Variants in GEMIN2 observed in about 807,000 individuals in gnomAD.
GEMIN2 encodes the protein gem nuclear organelle associated protein 2, also known as gem-associated protein 2.
In GEMIN2, 37 loss-of-function variants were observed where a neutral mutation model predicts 45.8. The ratio of observed to expected loss-of-function variants is 0.81; its 90% CI spans 0.62 to 1.06. The LOEUF (loss-of-function observed/expected upper bound fraction) is 1.06. Among genes scored for constraint, GEMIN2 ranks in the 50% least tolerant of loss-of-function variants. The probability of loss-of-function intolerance (pLI) is 0.00; values close to 1 mark genes in which losing one functional copy is unlikely to be tolerated. For missense variants in GEMIN2, 335 were observed against 321.8 expected (o/e 1.04, Z -0.31); for synonymous variants, 101 against 111.5 (o/e 0.91, Z 0.60).
intron 1 of GEMIN2, 32 bp downstream of exon 1, chr14:39,114,507 G>A (rs772415983): frequency 1.2e-5 from 19 of 1,550,712 alleles, no homozygotes; most frequent in Admixed American, 3.4e-5. Flanking sequence ...GGGTGGGCTG[G>A]TCTTCTGCCC....
Position 39,131,962 on chromosome 14 carries a change from G to C in GEMIN2, c.605G>C (p.Arg202Thr), listed in dbSNP as rs2052722238. 2 of 1,524,600 alleles carry C rather than the reference G, an allele frequency of 1.3e-6. No homozygotes were observed. Among genetic ancestry groups the C allele is most frequent in the Non-Finnish European group, 9.0e-7 (1 of 1,105,724 alleles). The allele number at this position is 1,524,600 out of a possible 1,614,324, so 94.4% of individuals were successfully genotyped here. A position where few individuals can be genotyped will look rare whatever the true frequency, so the allele number is the denominator to read the frequency against. ...GERDFTPELG[R>T]WLYALLACLE... Reference sequence around the variant, plus strand: ...ATTTTTTGAATTTTTTTTTAGGGAAGATGGCTTTATGCTTTATTGGCTTGT... The same window carrying C: ...ATTTTTTGAATTTTTTTTTAGGGAACATGGCTTTATGCTTTATTGGCTTGT... The change falls in exon 8 of 10, where the codon AGA (arginine) becomes ACA (threonine). Residue 202 changes from arginine to threonine, a missense_variant. Arg to Thr is a moderately conservative substitution (Grantham distance 71). Coordinates refer to ENST00000308317, the MANE Select transcript of GEMIN2 (RefSeq NM_003616.3).
chr14:39,125,033 T>C lies in GEMIN2; in HGVS notation c.528T>C (p.Asn176=), dbSNP rs568067159. 3.5e-5 allele frequency: 50 copies of C among 1,415,404 alleles called. 1 individual carries two copies. The Middle Eastern group carries it at 8.8e-4, about 25-fold the overall frequency. 87.7% of individuals were successfully genotyped at this position (1,415,404 alleles called of 1,614,324 possible). Residue 176 remains asparagine, a synonymous_variant, in exon 6 of 10, where the codon AAT becomes AAC. Coordinates refer to ENST00000308317, the MANE Select transcript of GEMIN2 (RefSeq NM_003616.3). ...TGCTTAGTATTGTTAGCAGAATGAA[T>C]CAGGTAAAATTAATAATAGAGATAT... ...PPLLSIVSRM[N]QATVTSVLEY...
At chr14:39,136,332 A>C in intron 9 of GEMIN2, 108 bp from the exon 10 acceptor site, 1 of 667,230 alleles carries the variant, frequency 1.5e-6, no homozygotes, top group South Asian at 1.8e-5. Flanking sequence ...AGCTTATTTA[A>C]CCAGTTTCTT....
rs71130817 is a variant in GEMIN2, at chr14:39,123,686, CTATATATA to C, written c.486+1159_486+1166del. ...AACATATGCTACATTTCAAAAATAG[CTATATATA>C]TATATATATATATATTTTTTTTTTT... On this transcript the variant is annotated intron_variant, in intron 5 of 9. Coordinates refer to ENST00000308317, the MANE Select transcript of GEMIN2 (RefSeq NM_003616.3). Among the ~76,000 whole-genome samples, 20 of 44,990 alleles carry C rather than the reference CTATATATA, an allele frequency of 4.4e-4. No homozygotes were observed. In the East Asian group the frequency reaches 4.6e-3, roughly 10 times the overall value. 29.5% of individuals were successfully genotyped at this position (44,990 alleles called of 152,430 possible).
At chr14:39,133,411 T>A (rs1301090159) in intron 8 of GEMIN2, among the ~76,000 whole-genome samples, 1 of 149,946 alleles carries the variant, frequency 6.7e-6, no homozygotes, top group Non-Finnish European at 1.5e-5. Context: ...CCCCAAGTTA[T>A]CCCCCTTAGA....
chr14:39,117,508 A>T (rs1410176466), intron 2 of GEMIN2, among the ~76,000 whole-genome samples: 1 of 152,144 alleles, frequency 6.6e-6, no homozygotes, highest in African/African-American at 2.4e-5. Flanking sequence ...CTCATTTATC[A>T]TTTCTTTCTT....
chr14:39,117,849 CT>C (rs1392773371), intron 2 of GEMIN2, 149 bp from the exon 3 acceptor site: 2 of 466,114 alleles, frequency 4.3e-6, no homozygotes, highest in Non-Finnish European at 7.6e-6. Flanking sequence ...GAAATGCCTA[CT>C]TTTTTACATC....
rs143957754 is a variant in GEMIN2 at position 39,122,913 on chromosome 14, G to C, written c.486+370G>C. Among the ~76,000 whole-genome samples, 681 of 152,238 alleles carry C rather than the reference G, an allele frequency of 4.5e-3. 7 individuals are homozygous for C. Among genetic ancestry groups the C allele is most frequent in the African/African-American group, 0.016 (655 of 41,540 alleles). ...GTTTGGCTTGGTAATCATTTTATGA[G>C]TTGGATAAGATTCATAGTTTTTTTA... On this transcript the variant is annotated intron_variant, in intron 5 of 9. Transcript: ENST00000308317.
intron 7 of GEMIN2, among the ~76,000 whole-genome samples, chr14:39,129,226 A>C (rs2052684737): frequency 6.6e-6 from 1 of 152,182 alleles, no homozygotes; most frequent in Non-Finnish European, 1.5e-5. Context: ...TTTGTAGCCT[A>C]GGAGCAATTG....
chr14:39,128,013 AGCCAAGATC>A (rs1196510935), intron 6 of GEMIN2, among the ~76,000 whole-genome samples: 1 of 144,426 alleles, frequency 6.9e-6, no homozygotes, highest in Non-Finnish European at 1.5e-5. Context: ...GGTTGCAGTG[AGCCAAGATC>A]GCACCAGTGC....
chr14:39,133,798 TG>T (rs2052750896), intron 9 of GEMIN2, 79 bp downstream of exon 9: 2 of 856,578 alleles, frequency 2.3e-6, no homozygotes, highest in Admixed American at 5.3e-5. Context: ...ATTTGGTTTT[TG>T]TTTGGTTGGT....
intron 5 of GEMIN2, chr14:39,122,796 A>C (rs985419868): frequency 1.9e-5 from 6 of 310,892 alleles, no homozygotes; most frequent in Admixed American, 1.5e-4. Flanking sequence ...GCCAACCCAG[A>C]CTTAGTTTAT....
In GEMIN2 at chr14:39,114,823, T is replaced by C; in HGVS notation, c.138-6T>C. The C allele has an allele frequency of 6.8e-7, 1 of 1,478,652 alleles. No homozygotes were observed. Among genetic ancestry groups the C allele is most frequent in the Non-Finnish European group, 9.5e-7 (1 of 1,057,152 alleles). 91.6% of individuals were successfully genotyped at this position (1,478,652 alleles called of 1,614,324 possible). Reference sequence around the variant, plus strand: ...TTAATTTATCGCGTTTATTACTTATTTGTAGGATCGAAGCAGCTCAATGTC... The same window carrying C: ...TTAATTTATCGCGTTTATTACTTATCTGTAGGATCGAAGCAGCTCAATGTC... On this transcript the variant is annotated splice_polypyrimidine_tract_variant and splice_region_variant and intron_variant, in intron 1 of 9. Transcript: ENST00000308317.
chr14:39,127,688 A>G (rs1326600698), intron 6 of GEMIN2, among the ~76,000 whole-genome samples: 2 of 152,258 alleles, frequency 1.3e-5, no homozygotes, highest in Middle Eastern at 6.8e-3. Flanking sequence ...GTAGTTACAA[A>G]CTAAATTATT....
intron 2 of GEMIN2, 60 bp downstream of exon 2, chr14:39,114,973 C>A: frequency 1.2e-6 from 1 of 803,862 alleles, no homozygotes; most frequent in South Asian, 1.4e-5. Context: ...GACTAACGCT[C>A]TTCCTATAGT....
At chr14:39,122,618 ACT>A (rs1241169863) in intron 5 of GEMIN2, 75 bp downstream of exon 5, 4 of 720,768 alleles carry the variant, frequency 5.5e-6, no homozygotes, top group Non-Finnish European at 9.4e-6. Flanking sequence ...GGGTCAGCAA[ACT>A]CTACCCTGGG....
intron 7 of GEMIN2, among the ~76,000 whole-genome samples, chr14:39,129,057 G>T (rs1011009056): frequency 6.6e-6 from 1 of 152,194 alleles, no homozygotes; most frequent in Non-Finnish European, 1.5e-5. Context: ...GGTTGAGGCT[G>T]CAGTGAGCCA....
At position 39,126,442 on chromosome 14, in the gene GEMIN2, A is replaced by G. The variant is rs1330721469; in HGVS notation, c.531+1406A>G. On this transcript the variant is annotated intron_variant, in intron 6 of 9. Coordinates refer to ENST00000308317, the MANE Select transcript of GEMIN2 (RefSeq NM_003616.3). The stretch of plus-strand genomic sequence containing the variant: ...CGATCCTCCCACCTCAGCCTCCCAA[A>G]GTGCTGGGAATACAGGTGTGAACCA... 3.3e-5 allele frequency among the ~76,000 whole-genome samples: 5 copies of G among 152,098 alleles called. No homozygotes were observed. The East Asian group carries it at 9.7e-4, about 29-fold the overall frequency.
At chr14:39,126,598 G>A (rs1477538147) in intron 6 of GEMIN2, among the ~76,000 whole-genome samples, 1 of 152,148 alleles carries the variant, frequency 6.6e-6, no homozygotes, top group African/African-American at 2.4e-5. Context: ...TGTCATTTTT[G>A]TTGTAACCAT....
Sources: gnomAD v4.1 joint callset for allele counts (sites outside exome capture counted in the v4.1 genomes callset) on GRCh38, gnomAD v4.1.1 for gene constraint, MANE v1.5 for transcripts, NCBI Gene and HGNC (gene_info 2026-07-23, HGNC 2026-07-21) for gene names.